ABI2: variants seen among roughly 807,000 people sequenced by gnomAD.
ABI2 encodes the protein abelson interactor 2.
In ABI2, 25 loss-of-function variants were observed where a neutral mutation model predicts 59.2. The observed-to-expected ratio is 0.42, with a 90% CI of 0.31 to 0.59. The LOEUF (loss-of-function observed/expected upper bound fraction) is 0.59, where lower values mean the gene tolerates loss of function less well. ABI2 is among the 20% of genes least tolerant of loss of function. The pLI is 0.14. For missense variants in ABI2, 545 were observed against 681.8 expected (o/e 0.80, Z 2.23); for synonymous variants, 213 against 235.5 (o/e 0.90, Z 0.87).
chr2:203,338,962 A>AT (rs2078052241), intron 1 of ABI2, among the ~76,000 whole-genome samples: 5 of 5,606 alleles, frequency 8.9e-4, no homozygotes, highest in East Asian at 0.015. Context: ...ATATATATAT[A>AT]AATATATATA....
At chr2:203,353,249 TC>T (rs1229472651) in intron 1 of ABI2, among the ~76,000 whole-genome samples, 4 of 152,248 alleles carry the variant, frequency 2.6e-5, no homozygotes, top group African/African-American at 7.2e-5. Flanking sequence ...TGTATATTGA[TC>T]TTTCATGGTT....
intron 11 of ABI2, among the ~76,000 whole-genome samples, chr2:203,423,494 C>T (rs909334367): frequency 9.2e-5 from 14 of 152,150 alleles, no homozygotes; most frequent in Admixed American, 1.3e-4. Flanking sequence ...GGTGCAATCT[C>T]GGCTCACTGC....
At chr2:203,350,568 C>CT (rs948329139) in intron 1 of ABI2, among the ~76,000 whole-genome samples, 6 of 139,768 alleles carry the variant, frequency 4.3e-5, no homozygotes, top group Admixed American at 3.0e-4. Context: ...AAGTTGAAGT[C>CT]TTAATCTGTC....
intron 6 of ABI2, 58 bp downstream of exon 6, chr2:203,394,904 T>A (rs1243607797): frequency 6.4e-7 from 1 of 1,566,752 alleles, no homozygotes; most frequent in African/African-American, 1.4e-5. Context: ...TCTGTTCAGA[T>A]TACTTCAGGT....
intron 11 of ABI2, among the ~76,000 whole-genome samples, chr2:203,417,684 C>T (rs913772523): frequency 1.3e-5 from 2 of 152,170 alleles, no homozygotes; most frequent in Non-Finnish European, 2.9e-5. Flanking sequence ...CACTGAGTCT[C>T]AAAGCTGGCT....
chr2:203,336,727 C>G (rs536108539), intron 1 of ABI2, among the ~76,000 whole-genome samples: 2 of 152,296 alleles, frequency 1.3e-5, no homozygotes, highest in South Asian at 2.1e-4. Context: ...CTTCTGCCCT[C>G]CATGTAAATG....
intron 11 of ABI2, among the ~76,000 whole-genome samples, chr2:203,423,706 C>A (rs972280497): frequency 6.6e-6 from 1 of 152,158 alleles, no homozygotes; most frequent in Non-Finnish European, 1.5e-5. Context: ...CAGGCGTGAG[C>A]CACCGCGCCC....
chr2:203,419,612 C>T (rs1034030831), intron 11 of ABI2, among the ~76,000 whole-genome samples: 2 of 151,344 alleles, frequency 1.3e-5, no homozygotes, highest in African/African-American at 2.4e-5. Flanking sequence ...CTCCTGACCT[C>T]GTGATCTGCC....
In ABI2 at chr2:203,356,430, G is replaced by A. The variant is rs528375746; in HGVS notation, c.118-10447G>A. On this transcript the variant is annotated intron_variant, in intron 1 of 11. Coordinates refer to ENST00000261018, the MANE Select transcript of ABI2 (RefSeq NM_001375670.1). ...GTTGCCCAGGCTGGAGTGCATTGGC[G>A]TGATCTTGGCTCACTGCAACCTCTT... Among the ~76,000 whole-genome samples the A allele has an allele frequency of 1.4e-4, 22 of 152,052 alleles. 1 individual carries two copies. Among genetic ancestry groups the A allele is most frequent in the Non-Finnish European group, 2.6e-4 (18 of 68,014 alleles).
chr2:203,329,824 C>T (rs935884259), intron 1 of ABI2, among the ~76,000 whole-genome samples: 2 of 151,912 alleles, frequency 1.3e-5, no homozygotes, highest in Admixed American at 6.6e-5. Flanking sequence ...GAAACCTCGG[C>T]CTCCTAGGTT....
chr2:203,358,115 T>TGTGTG (rs57591649), intron 1 of ABI2, among the ~76,000 whole-genome samples: 1,600 of 63,188 alleles, frequency 0.025, 6 homozygotes, highest in African/African-American at 0.04. Flanking sequence ...GTGTGTGTGT[T>TGTGTG]TGTTTGTTTG....
At chr2:203,421,931 A>G (rs2098227692) in intron 11 of ABI2, among the ~76,000 whole-genome samples, 1 of 142,524 alleles carries the variant, frequency 7.0e-6, no homozygotes. Flanking sequence ...TCGCCACCGC[A>G]CTCCAGCCTG....
chr2:203,352,365 A>G lies in ABI2; in HGVS notation c.118-14512A>G, dbSNP rs751193483. Among the ~76,000 whole-genome samples the G allele has an allele frequency of 4.1e-4, 62 of 152,180 alleles. 1 individual carries two copies. The highest frequency in any genetic ancestry group is 7.6e-4 in the Non-Finnish European group (52 of 68,034). The stretch of plus-strand genomic sequence containing the variant: ...CTTATTAAAAAAAAGTTAACTGTAA[A>G]GGAGTCTCAGGCAGTCCTTCAGGAG... On this transcript the variant is annotated intron_variant, in intron 1 of 11. Transcript: ENST00000261018.
chr2:203,385,139 C>CTTTTTTTTTTTTTTATTTTT (rs10527327), intron 4 of ABI2, among the ~76,000 whole-genome samples: 1 of 69,938 alleles, frequency 1.4e-5, no homozygotes, highest in East Asian at 4.2e-4. Flanking sequence ...GGCTCAGATT[C>CTTTTTTTTTTTTTTATTTTT]TTTTTTTTTT....
chr2:203,343,387 A>G (rs1210164271), intron 1 of ABI2, among the ~76,000 whole-genome samples: 3 of 152,226 alleles, frequency 2.0e-5, no homozygotes, highest in African/African-American at 4.8e-5. Flanking sequence ...ATTTAATGTT[A>G]GCAGGTTAGT....
At chr2:203,394,952 ACT>A (rs1199227360) in intron 6 of ABI2, 106 bp downstream of exon 6, 3 of 1,277,108 alleles carry the variant, frequency 2.3e-6, no homozygotes, top group African/African-American at 2.9e-5. Flanking sequence ...TCTTTTCCTC[ACT>A]CTATTCTCCC....
chr2:203,358,459 T>C (rs1188994640), intron 1 of ABI2, among the ~76,000 whole-genome samples: 4 of 152,156 alleles, frequency 2.6e-5, no homozygotes, highest in Non-Finnish European at 5.9e-5. Context: ...GAAATGTAGT[T>C]TGAACAAACT....
At chr2:203,356,493 C>T (rs941393136) in intron 1 of ABI2, among the ~76,000 whole-genome samples, 17 of 152,126 alleles carry the variant, frequency 1.1e-4, no homozygotes, top group Admixed American at 3.3e-4. Flanking sequence ...CTCAGCCTCC[C>T]GAGTAGCTGG....
At chr2:203,343,396 GT>G (rs1402333641) in intron 1 of ABI2, among the ~76,000 whole-genome samples, 1 of 152,168 alleles carries the variant, frequency 6.6e-6, no homozygotes, top group Non-Finnish European at 1.5e-5. Flanking sequence ...TAGCAGGTTA[GT>G]TTGTGGTACA....
Sources: allele counts gnomAD v4.1 joint callset (sites outside exome capture counted in the v4.1 genomes callset), GRCh38; gene constraint gnomAD v4.1.1; transcripts MANE v1.5; gene names NCBI Gene and HGNC (gene_info 2026-07-23, HGNC 2026-07-21).